CDH12: variants seen among roughly 807,000 people sequenced by gnomAD.
The protein encoded by CDH12 is cadherin-12.
Under a neutral mutation model 74.1 loss-of-function variants are expected in CDH12, and 41 were observed. The ratio of observed to expected loss-of-function variants is 0.55; its 90% CI spans 0.43 to 0.72. The LOEUF (loss-of-function observed/expected upper bound fraction) is 0.72. Ranked by LOEUF, CDH12 falls within the 30% of genes least tolerant of loss-of-function variation. The probability of loss-of-function intolerance (pLI) is 0.00; values close to 1 mark genes in which losing one functional copy is unlikely to be tolerated. For synonymous variants in CDH12, 399 were observed against 355.0 expected, an observed-to-expected ratio of 1.12 and a Z score of -1.39; for missense variants, 945 against 977.2, an observed-to-expected ratio of 0.97 and a Z score of 0.44.
chr5:21,918,580 G>A (rs1754208209), intron 6 of CDH12, among the ~76,000 whole-genome samples: 1 of 152,056 alleles, frequency 6.6e-6, no homozygotes, highest in African/African-American at 2.4e-5. Flanking sequence ...CCAGGAAGGA[G>A]AAGTGCAAGC....
intron 1 of CDH12, among the ~76,000 whole-genome samples, chr5:22,836,357 G>A (rs78001033): frequency 0.054 from 8,120 of 150,488 alleles, 333 homozygotes; most frequent in South Asian, 0.18. Context: ...CTGAGTAGCT[G>A]GGACTACAGT....
At chr5:22,211,233 C>T (rs1408855186) in intron 4 of CDH12, among the ~76,000 whole-genome samples, 3 of 152,054 alleles carry the variant, frequency 2.0e-5, no homozygotes, top group African/African-American at 7.2e-5. Context: ...CTGAAAAGCA[C>T]ACTTGAGATA....
intron 6 of CDH12, among the ~76,000 whole-genome samples, chr5:21,861,629 C>T (rs571713425): frequency 1.3e-5 from 2 of 152,152 alleles, no homozygotes; most frequent in Middle Eastern, 3.4e-3. Flanking sequence ...TTCCTTTCAG[C>T]GGACACTTTG....
chr5:22,744,893 G>A (rs1421159542), intron 1 of CDH12, among the ~76,000 whole-genome samples: 2 of 151,954 alleles, frequency 1.3e-5, no homozygotes, highest in Non-Finnish European at 2.9e-5. Context: ...GTCTGTAAAT[G>A]GGAATAATAA....
At chr5:22,687,876 C>T (rs1388801422) in intron 1 of CDH12, among the ~76,000 whole-genome samples, 1 of 152,002 alleles carries the variant, frequency 6.6e-6, no homozygotes, top group East Asian at 1.9e-4. Flanking sequence ...TCAAAAAGAA[C>T]AGCAAATACA....
At chr5:22,822,193 A>G (rs982975204) in intron 1 of CDH12, among the ~76,000 whole-genome samples, 4 of 152,164 alleles carry the variant, frequency 2.6e-5, no homozygotes, top group African/African-American at 9.6e-5. Flanking sequence ...AGAAAGCTGA[A>G]ACTGGATCCC....
chr5:22,614,448 T>C (rs268970), intron 1 of CDH12, among the ~76,000 whole-genome samples: 1 of 151,878 alleles, frequency 6.6e-6, no homozygotes, highest in East Asian at 1.9e-4. Context: ...TGAGCTATCA[T>C]GAATGAGCAG....
chr5:22,055,560 T>C (rs1740679313), intron 5 of CDH12, among the ~76,000 whole-genome samples: 1 of 152,110 alleles, frequency 6.6e-6, no homozygotes, highest in Admixed American at 6.6e-5. Context: ...GAGAACAAAT[T>C]TTTTTTCTGT....
At chr5:22,386,297 T>G (rs1293882256) in intron 3 of CDH12, among the ~76,000 whole-genome samples, 2 of 152,128 alleles carry the variant, frequency 1.3e-5, no homozygotes, top group Non-Finnish European at 2.9e-5. Flanking sequence ...AGGCCTCTCC[T>G]CTAACAGTGG....
At chr5:22,366,790 A>G (rs1224267415) in intron 3 of CDH12, among the ~76,000 whole-genome samples, 3 of 152,190 alleles carry the variant, frequency 2.0e-5, no homozygotes, top group Non-Finnish European at 4.4e-5. Context: ...TTTAATAGCA[A>G]ACTACTGTTG....
intron 5 of CDH12, among the ~76,000 whole-genome samples, chr5:22,075,187 A>T (rs542831025): frequency 6.6e-6 from 1 of 151,812 alleles, no homozygotes; most frequent in South Asian, 2.1e-4. Context: ...GGAAACCATC[A>T]TTCTCAGCAA....
intron 1 of CDH12, among the ~76,000 whole-genome samples, chr5:22,846,593 A>T (rs1737315091): frequency 6.6e-6 from 1 of 152,224 alleles, no homozygotes; most frequent in Non-Finnish European, 1.5e-5. Flanking sequence ...AATCATCTAA[A>T]CATTAGAATT....
In CDH12 at chr5:22,625,700, A is replaced by C. The variant is rs541056734; in HGVS notation, c.-522-120336T>G. ...GTCTGCTGGCCTTTCCTGGGGCCCC[A>C]ACCTGCCCACGCATGCTTGCAGGGC... On this transcript the variant is annotated intron_variant, in intron 1 of 14. Transcript: ENST00000382254. Among the ~76,000 whole-genome samples, 61 of 152,254 alleles carry C rather than the reference A, an allele frequency of 4.0e-4. 1 individual carries two copies. In the East Asian group the frequency reaches 0.012, roughly 29 times the overall value.
At chr5:21,900,167 A>G (rs1302346598) in intron 6 of CDH12, among the ~76,000 whole-genome samples, 2 of 152,178 alleles carry the variant, frequency 1.3e-5, no homozygotes, top group Admixed American at 1.3e-4. Context: ...CTAGCTCTCT[A>G]AAGTATACAT....
chr5:22,176,815 A>C (rs899847063), intron 4 of CDH12, among the ~76,000 whole-genome samples: 2 of 151,984 alleles, frequency 1.3e-5, no homozygotes, highest in Admixed American at 1.3e-4. Flanking sequence ...GAGTTGGGGC[A>C]CTTTCTACCT....
intron 5 of CDH12, among the ~76,000 whole-genome samples, chr5:22,059,819 G>A (rs1741061160): frequency 6.6e-6 from 1 of 151,980 alleles, no homozygotes; most frequent in South Asian, 2.1e-4. Flanking sequence ...AATTACTCTT[G>A]ATGATAGTAA....
At chr5:21,855,551 C>T (rs1257294842) in intron 6 of CDH12, among the ~76,000 whole-genome samples, 1 of 139,840 alleles carries the variant, frequency 7.2e-6, no homozygotes, top group Non-Finnish European at 1.6e-5. Context: ...ATATCCTGTT[C>T]AAGTTACTAT....
intron 6 of CDH12, among the ~76,000 whole-genome samples, chr5:21,956,652 T>C (rs1399426426): frequency 6.6e-6 from 1 of 152,108 alleles, no homozygotes; most frequent in Non-Finnish European, 1.5e-5. Context: ...ACATTTTCTT[T>C]GGTTTCTTCT....
chr5:21,994,896 A>G (rs2963510), intron 5 of CDH12, among the ~76,000 whole-genome samples: 7,694 of 152,228 alleles, frequency 0.051, 542 homozygotes, highest in African/African-American at 0.16. Flanking sequence ...AGGGCCAAAT[A>G]AGGTAATAAA....
Sources: gnomAD v4.1 joint callset for allele counts (sites outside exome capture counted in the v4.1 genomes callset) on GRCh38, gnomAD v4.1.1 for gene constraint, MANE v1.5 for transcripts, NCBI Gene and HGNC (gene_info 2026-07-23, HGNC 2026-07-21) for gene names.